The following CEP112 variants were observed in gnomAD, a reference collection of about 807,000 sequenced individuals.
CEP112 encodes the protein centrosomal protein 112, also known as centrosomal protein of 112 kDa.
Under a neutral mutation model 153.0 loss-of-function variants are expected in CEP112, and 127 were observed. The ratio of observed to expected loss-of-function variants is 0.83; its 90% confidence interval spans 0.72 to 0.96. CEP112 has a LOEUF of 0.96. Ranked by LOEUF, CEP112 falls within the 40% of genes least tolerant of loss-of-function variation. The pLI is 0.00. For synonymous variants in CEP112, 358 were observed against 374.4 expected, an observed-to-expected ratio of 0.96 and a Z score of 0.51; for missense variants, 1,089 against 1,101.2, an observed-to-expected ratio of 0.99 and a Z score of 0.16.
At position 66,139,707 on chromosome 17, in the gene CEP112, G is replaced by A. The variant is rs577758635; in HGVS notation, c.471-6944C>T. On this transcript the variant is annotated intron_variant, in intron 4 of 26. Transcript: ENST00000535342. The stretch of plus-strand genomic sequence containing the variant: ...CCCAGATGAGATGACCAAATTACTC[G>A]AAATGCAAAACTTACCAAGATTGAA... 1.1e-4 allele frequency among the ~76,000 whole-genome samples: 16 copies of A among 152,132 alleles called. No individual in the cohort carries two copies. In the South Asian group the frequency reaches 1.9e-3, roughly 18 times the overall value.
chr17:66,186,985 A>C (rs1324736453), intron 1 of CEP112, among the ~76,000 whole-genome samples: 2 of 152,156 alleles, frequency 1.3e-5, no homozygotes. Flanking sequence ...CAGACGCAGT[A>C]ACTCTCCCTC....
intron 17 of CEP112, among the ~76,000 whole-genome samples, chr17:65,994,075 T>A (rs150476910): frequency 0.012 from 1,770 of 150,824 alleles, 26 homozygotes; most frequent in Non-Finnish European, 0.015. Context: ...CAATATCAGA[T>A]ACATATGAGC....
chr17:65,994,642 T>C (rs1048327804), intron 17 of CEP112, among the ~76,000 whole-genome samples: 6 of 152,176 alleles, frequency 3.9e-5, no homozygotes, highest in South Asian at 2.1e-4. Flanking sequence ...ATTTAACTTC[T>C]AATAGGAATT....
chr17:65,888,197 C>T lies in CEP112; in HGVS notation c.2163+13955G>A, dbSNP rs191736635. On this transcript the variant is annotated intron_variant, in intron 20 of 26. Transcript: ENST00000535342. ...TTAGAAATAATTTCACAATATGGTA[C>T]GTACAATAGCTATTTTCCTGCCCAA... 1.4e-4 allele frequency among the ~76,000 whole-genome samples: 21 copies of T among 152,230 alleles called. No individual in the cohort carries two copies. In the East Asian group the frequency reaches 3.3e-3, roughly 24 times the overall value.
chr17:65,964,592 T>C lies in CEP112; in HGVS notation c.1737-2994A>G, dbSNP rs77455175. On this transcript the variant is annotated intron_variant, in intron 17 of 26. Coordinates refer to ENST00000535342, the MANE Select transcript of CEP112 (RefSeq NM_001199165.4). Reference sequence around the variant, plus strand: ...CATGGTCTAGACCTGGCTTGGCAAATAGATGCTCTCTGGTGTGGTGGTCCC... The same window carrying C: ...CATGGTCTAGACCTGGCTTGGCAAACAGATGCTCTCTGGTGTGGTGGTCCC... Among the ~76,000 whole-genome samples the C allele has an allele frequency of 7.2e-5, 11 of 152,274 alleles. No homozygotes were observed. The South Asian group carries it at 1.9e-3, about 26-fold the overall frequency.
At chr17:66,048,263 A>G (rs2066296490) in intron 12 of CEP112, among the ~76,000 whole-genome samples, 1 of 152,206 alleles carries the variant, frequency 6.6e-6, no homozygotes, top group Non-Finnish European at 1.5e-5. Flanking sequence ...ATCAGACATC[A>G]AGAGTAATTA....
chr17:65,908,408 A>G (rs1371680071), intron 19 of CEP112, among the ~76,000 whole-genome samples: 1 of 146,374 alleles, frequency 6.8e-6, no homozygotes, highest in Non-Finnish European at 1.5e-5. Flanking sequence ...ACAGGAGATG[A>G]AAAAGGGACC....
At chr17:65,724,450 C>T (rs748066231) in intron 23 of CEP112, among the ~76,000 whole-genome samples, 45 of 152,062 alleles carry the variant, frequency 3.0e-4, no homozygotes, top group Non-Finnish European at 5.7e-4. Flanking sequence ...AAATAGAATG[C>T]GCTAGAAATG....
At chr17:66,096,171 A>T in intron 8 of CEP112, 80 bp downstream of exon 8, 1 of 995,298 alleles carries the variant, frequency 1.0e-6, no homozygotes, top group Non-Finnish European at 1.5e-6. Flanking sequence ...CATTATTTTA[A>T]CTAAAACCTG....
rs529048406 is a variant in CEP112, at chr17:66,108,813, C to T, written c.643-12181G>A. Reference sequence around the variant, plus strand: ...AGTGTATCAAAGAGATATCTGCATGCCCATCTTTGTTGTAGCACTGTTCAC... The same window carrying T: ...AGTGTATCAAAGAGATATCTGCATGTCCATCTTTGTTGTAGCACTGTTCAC... On this transcript the variant is annotated intron_variant, in intron 6 of 26. Coordinates refer to ENST00000535342, the MANE Select transcript of CEP112 (RefSeq NM_001199165.4). Among the ~76,000 whole-genome samples, 48 of 152,288 alleles carry T rather than the reference C, an allele frequency of 3.2e-4. No individual in the cohort carries two copies. In the South Asian group the frequency reaches 9.7e-3, roughly 31 times the overall value.
At chr17:65,828,266 T>A (rs1307556768) in intron 21 of CEP112, among the ~76,000 whole-genome samples, 2 of 152,232 alleles carry the variant, frequency 1.3e-5, no homozygotes, top group Non-Finnish European at 2.9e-5. Context: ...GCACAGTGCA[T>A]GCAAATAGGT....
chr17:66,056,339 C>T (rs911796294), intron 11 of CEP112, among the ~76,000 whole-genome samples: 1 of 152,180 alleles, frequency 6.6e-6, no homozygotes, highest in Non-Finnish European at 1.5e-5. Context: ...TTGGCAGTTC[C>T]TCAAAAAATT....
At position 66,124,383 on chromosome 17, in the gene CEP112, T is replaced by C. The variant is rs371435896; in HGVS notation, c.642+5363A>G. On this transcript the variant is annotated intron_variant, in intron 6 of 26. Coordinates refer to ENST00000535342, the MANE Select transcript of CEP112 (RefSeq NM_001199165.4). ...GACTAGGCATACTCTCAGAGGAAAG[T>C]ATAATAGCAAGCGAAAATACATGGG... Among the ~76,000 whole-genome samples, 5 of 152,162 alleles carry C rather than the reference T, an allele frequency of 3.3e-5. No homozygotes were observed. The South Asian group carries it at 8.3e-4, about 25-fold the overall frequency.
intron 20 of CEP112, among the ~76,000 whole-genome samples, chr17:65,894,437 C>T (rs1312609736): frequency 6.6e-6 from 1 of 151,974 alleles, no homozygotes; most frequent in African/African-American, 2.4e-5. Flanking sequence ...AATCCTTGAC[C>T]TCATTTCTAA....
At chr17:66,053,111 G>A (rs2066509903) in intron 12 of CEP112, among the ~76,000 whole-genome samples, 3 of 144,348 alleles carry the variant, frequency 2.1e-5, no homozygotes, top group African/African-American at 2.6e-5. Context: ...TGTCTCAAAG[G>A]AAAAAAAAAA....
At chr17:65,993,391 G>T (rs1379776572) in intron 17 of CEP112, among the ~76,000 whole-genome samples, 1 of 152,114 alleles carries the variant, frequency 6.6e-6, no homozygotes, top group Non-Finnish European at 1.5e-5. Flanking sequence ...GAATGGTGCT[G>T]CAATGAACAT....
intron 24 of CEP112, among the ~76,000 whole-genome samples, chr17:65,684,690 C>T (rs1015725529): frequency 6.6e-6 from 1 of 152,156 alleles, no homozygotes; most frequent in African/African-American, 2.4e-5. Flanking sequence ...TACCTGCACC[C>T]GAGTGACAGA....
At chr17:65,640,156 T>TATA (rs1567796006) in intron 25 of CEP112, among the ~76,000 whole-genome samples, 1 of 32,336 alleles carries the variant, frequency 3.1e-5, no homozygotes, top group Non-Finnish European at 4.9e-5. Flanking sequence ...ATATATATAT[T>TATA]TTTTTTTTTT....
At chr17:65,641,267 G>A (rs2045119235) in intron 24 of CEP112, among the ~76,000 whole-genome samples, 3 of 152,148 alleles carry the variant, frequency 2.0e-5, no homozygotes, top group African/African-American at 7.2e-5. Context: ...TGAGAGAGAT[G>A]GTCCCTGTAA....
Sources: gnomAD v4.1 joint callset for allele counts (sites outside exome capture counted in the v4.1 genomes callset) on GRCh38, gnomAD v4.1.1 for gene constraint, MANE v1.5 for transcripts, NCBI Gene and HGNC (gene_info 2026-07-23, HGNC 2026-07-21) for gene names.